MTHFD2L: variants seen among roughly 807,000 people sequenced by gnomAD.
MTHFD2L encodes the protein methylenetetrahydrofolate dehydrogenase (NADP+ dependent) 2 like, also known as bifunctional methylenetetrahydrofolate dehydrogenase/cyclohydrolase 2, mitochondrial.
Under a neutral mutation model 34.9 loss-of-function variants are expected in MTHFD2L, and 29 were observed. That is an observed-to-expected ratio of 0.83 (90% CI 0.62 to 1.13). The LOEUF (loss-of-function observed/expected upper bound fraction) is 1.13, where lower values mean the gene tolerates loss of function less well. Ranked by LOEUF, MTHFD2L falls within the 50% of genes most tolerant of loss-of-function variation. The pLI, the probability that MTHFD2L is intolerant of heterozygous loss-of-function variation, is 0.00. For synonymous variants in MTHFD2L, 167 were observed against 155.7 expected, an observed-to-expected ratio of 1.07 and a Z score of -0.54; for missense variants, 481 against 446.5, an observed-to-expected ratio of 1.08 and a Z score of -0.70.
intron 3 of MTHFD2L, chr4:74,195,477 A>G (rs1275272964): frequency 1.3e-5 from 2 of 152,162 alleles, no homozygotes; most frequent in African/African-American, 4.8e-5. Context: ...AAAGTGCTAG[A>G]TATATTATTA....
chr4:74,242,602 A>G (rs1332989576), intron 6 of MTHFD2L, among the ~76,000 whole-genome samples: 2 of 152,186 alleles, frequency 1.3e-5, no homozygotes, highest in Admixed American at 6.6e-5. Context: ...AGGATTGGAA[A>G]CCAAGTCTGT....
At chr4:74,193,083 T>C (rs1333508702) in intron 3 of MTHFD2L, among the ~76,000 whole-genome samples, 2 of 152,212 alleles carry the variant, frequency 1.3e-5, no homozygotes, top group African/African-American at 2.4e-5. Flanking sequence ...TTTTAACTTT[T>C]ATGTTTAGAT....
At chr4:74,296,410 C>T (rs550376197) in intron 7 of MTHFD2L, among the ~76,000 whole-genome samples, 1 of 152,218 alleles carries the variant, frequency 6.6e-6, no homozygotes, top group South Asian at 2.1e-4. Context: ...CCCATGTGTA[C>T]ATCCCCTTTG....
At chr4:74,296,928 T>C (rs978794344) in intron 7 of MTHFD2L, among the ~76,000 whole-genome samples, 2 of 151,990 alleles carry the variant, frequency 1.3e-5, no homozygotes, top group Non-Finnish European at 1.5e-5. Flanking sequence ...GAAGAATAAA[T>C]ATTCATCAGC....
intron 5 of MTHFD2L, among the ~76,000 whole-genome samples, chr4:74,208,216 A>G (rs2110075795): frequency 6.6e-6 from 1 of 152,352 alleles, no homozygotes; most frequent in African/African-American, 2.4e-5. Flanking sequence ...GGGTAGTGGA[A>G]GACTGTAGAA....
intron 6 of MTHFD2L, among the ~76,000 whole-genome samples, chr4:74,245,130 G>C (rs983952856): frequency 7.0e-6 from 1 of 142,502 alleles, no homozygotes; most frequent in Non-Finnish European, 1.5e-5. Flanking sequence ...GGGAGGCAGA[G>C]CTTGCAGTGA....
At chr4:74,231,471 T>C (rs776713614) in intron 6 of MTHFD2L, among the ~76,000 whole-genome samples, 10 of 152,174 alleles carry the variant, frequency 6.6e-5, no homozygotes, top group Non-Finnish European at 1.5e-4. Context: ...TGCCAGCACA[T>C]TTCATGGCTT....
At chr4:74,299,401 C>CAGCAGTAGCAGTAGCAGT (rs760547709) in intron 7 of MTHFD2L, among the ~76,000 whole-genome samples, 1 of 151,568 alleles carries the variant, frequency 6.6e-6, no homozygotes, top group African/African-American at 2.4e-5. Flanking sequence ...GCAGCAGCAG[C>CAGCAGTAGCAGTAGCAGT]AGCAGTAGCA....
chr4:74,153,112 G>A (rs1162829676), upstream of MTHFD2L, among the ~76,000 whole-genome samples: 1 of 152,104 alleles, frequency 6.6e-6, no homozygotes, highest in Non-Finnish European at 1.5e-5. Context: ...TCTTATGAAT[G>A]GGCTTCTTTG....
chr4:74,219,398 A>C (rs1228021379), intron 5 of MTHFD2L, among the ~76,000 whole-genome samples: 1 of 152,104 alleles, frequency 6.6e-6, no homozygotes, highest in Non-Finnish European at 1.5e-5. Context: ...TGTGGGAAAA[A>C]GTCATCTGAA....
In MTHFD2L at chr4:74,201,288, G is replaced by A. The variant is rs1473735839; in HGVS notation, c.630G>A (p.Val210=). 1 of 1,613,510 alleles carries A rather than the reference G, an allele frequency of 6.2e-7. No individual in the cohort carries two copies. Among genetic ancestry groups the A allele is most frequent in the East Asian group, 2.2e-5 (1 of 44,838 alleles). ...GAATTCAAACATTTGGAAAAAATGT[G>A]GTTGTGGCTGGAAGATCCAAGAACG... ...RTGIQTFGKN[V]VVAGRSKNVG... The change falls in exon 5 of 8, where the codon GTG becomes GTA. Residue 210 remains valine (V), a synonymous_variant. Coordinates refer to ENST00000325278, the MANE Select transcript of MTHFD2L (RefSeq NM_001144978.3).
At chr4:74,245,366 T>G (rs1742284228) in intron 6 of MTHFD2L, among the ~76,000 whole-genome samples, 1 of 151,994 alleles carries the variant, frequency 6.6e-6, no homozygotes, top group Non-Finnish European at 1.5e-5. Context: ...ACATATTGTT[T>G]TTCAAAATAA....
At position 74,285,689 on chromosome 4, in the gene MTHFD2L, A is replaced by G. The variant is rs1032346067; in HGVS notation, c.931+4139A>G. On this transcript the variant is annotated intron_variant, in intron 7 of 7. Transcript: ENST00000325278. ...TGACAAAAAATTTTTAAAGGTCACT[A>G]AACAAATATAATTTCTCCCATTGAC... Among the ~76,000 whole-genome samples, 4 of 152,180 alleles carry G rather than the reference A, an allele frequency of 2.6e-5. No individual in the cohort carries two copies. The East Asian group carries it at 5.8e-4, about 22-fold the overall frequency.
intron 6 of MTHFD2L, chr4:74,280,462 C>T (rs1473502744): frequency 1.3e-5 from 2 of 152,102 alleles, no homozygotes; most frequent in African/African-American, 2.4e-5. Flanking sequence ...GTCCTTTTAG[C>T]CTGGTCATGT....
At chr4:74,191,073 G>T (rs1732391230) in intron 3 of MTHFD2L, among the ~76,000 whole-genome samples, 1 of 151,944 alleles carries the variant, frequency 6.6e-6, no homozygotes, top group African/African-American at 2.4e-5. Flanking sequence ...TCTAATTTTA[G>T]TATTTTTACT....
chr4:74,139,572 A>G (rs1723156849), intron 1 of MTHFD2L, among the ~76,000 whole-genome samples: 1 of 152,162 alleles, frequency 6.6e-6, no homozygotes, highest in Admixed American at 6.5e-5. Flanking sequence ...GAGTTGGGGG[A>G]AATGTTCCAC....
intron 5 of MTHFD2L, chr4:74,223,946 T>A (rs1054512532): frequency 6.6e-6 from 1 of 152,136 alleles, no homozygotes; most frequent in Non-Finnish European, 1.5e-5. Flanking sequence ...CAAATTCCCC[T>A]GGGTTTGCTC....
chr4:74,143,541 T>C (rs1316316960), intron 1 of MTHFD2L: 30 of 562,204 alleles, frequency 5.3e-5, no homozygotes, highest in Admixed American at 1.3e-4. Flanking sequence ...CTGGAACCCA[T>C]GTCAGCCAAA....
At chr4:74,169,607 A>G (rs1215517648) in intron 1 of MTHFD2L, among the ~76,000 whole-genome samples, 1 of 152,236 alleles carries the variant, frequency 6.6e-6, no homozygotes, top group Non-Finnish European at 1.5e-5. Flanking sequence ...TTCTACCCCA[A>G]GAAAATATTG....
Sources: gnomAD v4.1 joint callset for allele counts (sites outside exome capture counted in the v4.1 genomes callset) on GRCh38, gnomAD v4.1.1 for gene constraint, MANE v1.5 for transcripts, NCBI Gene and HGNC (gene_info 2026-07-23, HGNC 2026-07-21) for gene names.